The following PTPRO variants were observed in gnomAD, a reference collection of about 807,000 sequenced individuals.
PTPRO encodes receptor-type tyrosine-protein phosphatase O.
Under a neutral mutation model 145.2 loss-of-function variants are expected in PTPRO, and 62 were observed. That is an observed-to-expected ratio of 0.43 (90% CI 0.35 to 0.53). The LOEUF is 0.53. Ranked by LOEUF, PTPRO falls within the 20% of genes least tolerant of loss-of-function variation. The probability of loss-of-function intolerance (pLI) is 0.01; values close to 1 mark genes in which losing one functional copy is unlikely to be tolerated. For missense variants in PTPRO, 1,345 were observed against 1,482.7 expected, an observed-to-expected ratio of 0.91 and a Z score of 1.53; for synonymous variants, 565 against 514.7, an observed-to-expected ratio of 1.10 and a Z score of -1.32.
chr12:15,562,034 T>C (rs1943786355), intron 17 of PTPRO, among the ~76,000 whole-genome samples: 1 of 152,152 alleles, frequency 6.6e-6, no homozygotes, highest in Admixed American at 6.6e-5. Context: ...CAGTAATTTT[T>C]AGAAGAATCA....
intron 1 of PTPRO, among the ~76,000 whole-genome samples, chr12:15,468,525 A>G (rs1591838468): frequency 6.6e-6 from 1 of 152,174 alleles, no homozygotes; most frequent in East Asian, 1.9e-4. Context: ...TCATCAGGTC[A>G]ACTCTTACCA....
intron 1 of PTPRO, among the ~76,000 whole-genome samples, chr12:15,331,403 G>A (rs1474836767): frequency 6.6e-6 from 1 of 152,192 alleles, no homozygotes; most frequent in African/African-American, 2.4e-5. Flanking sequence ...GGTGAGATCA[G>A]AGAGACCTGA....
intron 1 of PTPRO, among the ~76,000 whole-genome samples, chr12:15,361,325 A>G (rs1938200479): frequency 1.3e-5 from 2 of 151,120 alleles, no homozygotes. Context: ...TGTAATCTCA[A>G]CTACTCGGGA....
chr12:15,550,649 C>T (rs768751878), intron 14 of PTPRO, among the ~76,000 whole-genome samples: 103 of 152,190 alleles, frequency 6.8e-4, no homozygotes, highest in Non-Finnish European at 1.8e-4. Context: ...GTCCATTGTT[C>T]TTTCTGTTTA....
intron 8 of PTPRO, among the ~76,000 whole-genome samples, 194 bp downstream of exon 8, chr12:15,515,812 A>G (rs1206825987): frequency 6.6e-6 from 1 of 151,970 alleles, no homozygotes; most frequent in Non-Finnish European, 1.5e-5. Context: ...TTACTTGGGG[A>G]AAAAATCAGA....
Position 15,516,952 on chromosome 12 carries a change from C to T in PTPRO, c.1775C>T (p.Ser592Phe). Reference protein sequence around the residue: ...EIAATVSLTASVRIANLLPAW... With the variant: ...EIAATVSLTAFVRIANLLPAW... ...GCAGCAACTGTTTCCTTAACTGCAT[C>T]CGTGGTAATCTTCCCTTAACCAACT... The change falls in exon 9 of 27, where the codon TCC (serine) becomes TTC (phenylalanine). Residue 592 changes from serine to phenylalanine, a missense_variant. Physicochemically the swap from Ser to Phe is radical, Grantham distance 155. Transcript: ENST00000281171. 6.2e-7 allele frequency: 1 copy of T among 1,612,090 alleles called. No homozygotes were observed. The highest frequency in any genetic ancestry group is 8.5e-7 in the Non-Finnish European group (1 of 1,178,112).
At chr12:15,362,564 A>G (rs1938241612) in intron 1 of PTPRO, among the ~76,000 whole-genome samples, 1 of 152,220 alleles carries the variant, frequency 6.6e-6, no homozygotes, top group African/African-American at 2.4e-5. Context: ...CAATATTTAC[A>G]GAAAATATTC....
intron 1 of PTPRO, among the ~76,000 whole-genome samples, chr12:15,379,988 C>G (rs188030503): frequency 6.6e-6 from 1 of 151,910 alleles, no homozygotes; most frequent in Non-Finnish European, 1.5e-5. Flanking sequence ...TTTTTTTAAG[C>G]CAATGAAGAA....
intron 1 of PTPRO, among the ~76,000 whole-genome samples, chr12:15,337,933 T>C (rs745333003): frequency 6.6e-6 from 1 of 152,216 alleles, no homozygotes; most frequent in Non-Finnish European, 1.5e-5. Flanking sequence ...TAAAAGGGGC[T>C]AACATGAGGA....
intron 7 of PTPRO, among the ~76,000 whole-genome samples, chr12:15,513,147 GAAAGAAAGAAA>G (rs879582184): frequency 0.059 from 1,995 of 33,850 alleles, 207 homozygotes; most frequent in Admixed American, 0.098. Flanking sequence ...AAGGAAGAAA[GAAAGAAAGAAA>G]AAGAAAGAAA....
At chr12:15,489,753 G>A (rs537095361) in intron 2 of PTPRO, among the ~76,000 whole-genome samples, 5 of 152,240 alleles carry the variant, frequency 3.3e-5, no homozygotes, top group African/African-American at 7.2e-5. Flanking sequence ...TGATGGGGTT[G>A]CCCTGTTCAA....
chr12:15,495,466 A>T (rs572620278), intron 2 of PTPRO, among the ~76,000 whole-genome samples: 39 of 151,388 alleles, frequency 2.6e-4, no homozygotes, highest in South Asian at 8.5e-4. Flanking sequence ...GAAATTTTTT[A>T]AATGTAAAGT....
intron 12 of PTPRO, among the ~76,000 whole-genome samples, chr12:15,539,938 G>GT (rs557671249): frequency 3.7e-4 from 54 of 146,354 alleles, no homozygotes; most frequent in East Asian, 4.0e-4. Context: ...TTATTTCCTG[G>GT]TTTTTTTTTT....
intron 1 of PTPRO, among the ~76,000 whole-genome samples, chr12:15,472,778 G>A (rs1261042396): frequency 6.6e-6 from 1 of 152,212 alleles, no homozygotes; most frequent in Admixed American, 6.5e-5. Context: ...CACAGTGGCT[G>A]AGCCTTTGGA....
intron 17 of PTPRO, among the ~76,000 whole-genome samples, chr12:15,563,998 A>G (rs1321738986): frequency 6.6e-6 from 1 of 152,176 alleles, no homozygotes; most frequent in East Asian, 1.9e-4. Context: ...AATAAAAAAC[A>G]TGATCAATAA....
intron 1 of PTPRO, among the ~76,000 whole-genome samples, chr12:15,347,235 CACAACTTAAA>C (rs1867252331): frequency 6.6e-6 from 1 of 152,158 alleles, no homozygotes; most frequent in African/African-American, 2.4e-5. Context: ...TTTATCAAGA[CACAACTTAAA>C]ACAGTTTTCT....
At chr12:15,413,185 G>A (rs1296449037) in intron 1 of PTPRO, among the ~76,000 whole-genome samples, 2 of 152,058 alleles carry the variant, frequency 1.3e-5, no homozygotes, top group Non-Finnish European at 2.9e-5. Context: ...CTGCCCCCCA[G>A]GTTCAAGCAA....
At chr12:15,479,468 C>T (rs1941732442) in intron 1 of PTPRO, among the ~76,000 whole-genome samples, 2 of 152,296 alleles carry the variant, frequency 1.3e-5, no homozygotes, top group Non-Finnish European at 2.9e-5. Flanking sequence ...ATGTGTTCTG[C>T]TCCCCACTAT....
chr12:15,469,601 A>G (rs1291605349), intron 1 of PTPRO, among the ~76,000 whole-genome samples: 1 of 152,182 alleles, frequency 6.6e-6, no homozygotes, highest in Non-Finnish European at 1.5e-5. Flanking sequence ...GGCGAGCTGT[A>G]AAACAGGTGA....
Sources: allele counts gnomAD v4.1 joint callset (sites outside exome capture counted in the v4.1 genomes callset), GRCh38; gene constraint gnomAD v4.1.1; transcripts MANE v1.5; gene names NCBI Gene and HGNC (gene_info 2026-07-23, HGNC 2026-07-21).